PLXNA4: variants seen among roughly 807,000 people sequenced by gnomAD.
The protein encoded by PLXNA4 is plexin A4.
A neutral mutation model predicts 191.8 loss-of-function variants in PLXNA4; 44 were observed. The observed-to-expected ratio is 0.23, with a 90% CI of 0.18 to 0.29. The LOEUF is 0.29. Among genes scored for constraint, PLXNA4 ranks in the 10% least tolerant of loss-of-function variants. The pLI is 1.00. For synonymous variants in PLXNA4, 1,082 were observed against 1,009.5 expected, an observed-to-expected ratio of 1.07 and a Z score of -1.36; for missense variants, 1,800 against 2,488.8, an observed-to-expected ratio of 0.72 and a Z score of 5.89.
chr7:132,229,890 C>G (rs1292165773), intron 5 of PLXNA4, among the ~76,000 whole-genome samples: 1 of 152,060 alleles, frequency 6.6e-6, no homozygotes, highest in Non-Finnish European at 1.5e-5. Context: ...ATGGGGGTTT[C>G]TCCTCCTAAC....
chr7:132,516,166 T>C (rs1032868312), intron 1 of PLXNA4, among the ~76,000 whole-genome samples: 1 of 152,248 alleles, frequency 6.6e-6, no homozygotes, highest in African/African-American at 2.4e-5. Flanking sequence ...AAAAACTGGT[T>C]GTACCCTGTT....
intron 1 of PLXNA4, among the ~76,000 whole-genome samples, chr7:132,570,621 C>T (rs1187570967): frequency 9.2e-5 from 14 of 152,194 alleles, no homozygotes; most frequent in Admixed American, 7.2e-4. Flanking sequence ...AAATTTCCAG[C>T]GACCTCTTCC....
intron 4 of PLXNA4, 129 bp from the exon 5 acceptor site, chr7:132,241,295 G>A: frequency 3.2e-6 from 2 of 626,702 alleles, no homozygotes; most frequent in East Asian, 2.9e-5. Flanking sequence ...GGTGCTTGGA[G>A]CCCAGTGTGG....
chr7:132,320,217 G>A (rs1802109142), intron 3 of PLXNA4, among the ~76,000 whole-genome samples: 1 of 152,216 alleles, frequency 6.6e-6, no homozygotes. Context: ...AATGTATTCT[G>A]TCACAGCTCT....
intron 9 of PLXNA4, among the ~76,000 whole-genome samples, chr7:132,212,973 A>T (rs1451803876): frequency 1.3e-5 from 2 of 152,252 alleles, no homozygotes; most frequent in Non-Finnish European, 2.9e-5. Flanking sequence ...CAACAGCATC[A>T]TTCACAACAG....
intron 20 of PLXNA4, among the ~76,000 whole-genome samples, chr7:132,176,655 C>T (rs1247379467): frequency 6.6e-6 from 1 of 151,434 alleles, no homozygotes; most frequent in African/African-American, 2.4e-5. Context: ...TAGGCATGTG[C>T]AAGTGTGAAT....
At chr7:132,141,305 G>A (rs1333930867) in intron 29 of PLXNA4, among the ~76,000 whole-genome samples, 1 of 152,120 alleles carries the variant, frequency 6.6e-6, no homozygotes, top group Non-Finnish European at 1.5e-5. Context: ...CCCTGCCTGG[G>A]CCTCTCAGCC....
intron 25 of PLXNA4, among the ~76,000 whole-genome samples, chr7:132,156,159 C>T (rs890907365): frequency 4.6e-5 from 7 of 151,542 alleles, no homozygotes; most frequent in African/African-American, 1.7e-4. Context: ...CACACACACA[C>T]ACACACACAC....
chr7:132,629,225 A>T (rs544746211), intron 2 of PLXNA4, among the ~76,000 whole-genome samples: 14 of 152,208 alleles, frequency 9.2e-5, no homozygotes, highest in Non-Finnish European at 2.1e-4. Flanking sequence ...AAGAAGGGGA[A>T]TAAGAGGCCT....
chr7:132,163,054 G>A (rs537406658), intron 24 of PLXNA4, among the ~76,000 whole-genome samples: 108 of 152,216 alleles, frequency 7.1e-4, no homozygotes, highest in African/African-American at 2.5e-3. Context: ...CGTCCTCCTC[G>A]TTCCCTTCTG....
At chr7:132,344,115 C>CA (rs139529794) in intron 3 of PLXNA4, among the ~76,000 whole-genome samples, 2,331 of 152,246 alleles carry the variant, frequency 0.015, 62 homozygotes, top group African/African-American at 0.054. Context: ...TTGTTTCCTG[C>CA]ATGTAGAACA....
chr7:132,447,949 T>C (rs1016779429), intron 3 of PLXNA4, among the ~76,000 whole-genome samples: 2 of 152,062 alleles, frequency 1.3e-5, no homozygotes, highest in Non-Finnish European at 2.9e-5. Flanking sequence ...AGACAGAGGT[T>C]GCAGTGAGCC....
intron 4 of PLXNA4, among the ~76,000 whole-genome samples, chr7:132,248,833 G>GC (rs1435547256): frequency 6.8e-6 from 1 of 147,534 alleles, no homozygotes; most frequent in Non-Finnish European, 1.5e-5. Flanking sequence ...TGACCATCTG[G>GC]CCACCCCAGT....
intron 25 of PLXNA4, among the ~76,000 whole-genome samples, chr7:132,154,541 G>A (rs138326236): frequency 6.6e-6 from 1 of 152,256 alleles, no homozygotes; most frequent in Non-Finnish European, 1.5e-5. Context: ...AAAGTGCTGT[G>A]CACTGGTCAG....
chr7:132,431,855 T>C (rs1290881288), intron 3 of PLXNA4, among the ~76,000 whole-genome samples: 1 of 152,210 alleles, frequency 6.6e-6, no homozygotes, highest in African/African-American at 2.4e-5. Context: ...AGCCCAGTGC[T>C]ACAGAGGAAT....
chr7:132,494,402 T>C (rs1216127309), intron 2 of PLXNA4, among the ~76,000 whole-genome samples: 3 of 152,166 alleles, frequency 2.0e-5, no homozygotes, highest in African/African-American at 7.2e-5. Context: ...CTCCAGGTGA[T>C]TCCAACCCCC....
At chr7:132,591,459 C>A (rs934286473) in intron 2 of PLXNA4, among the ~76,000 whole-genome samples, 14 of 152,180 alleles carry the variant, frequency 9.2e-5, no homozygotes, top group Non-Finnish European at 1.8e-4. Context: ...CACAAGGATG[C>A]AGTACAAAAG....
upstream of PLXNA4, among the ~76,000 whole-genome samples, chr7:132,577,895 G>A (rs954382343): frequency 6.6e-6 from 1 of 152,024 alleles, no homozygotes; most frequent in Non-Finnish European, 1.5e-5. Flanking sequence ...AGGAGGCCGA[G>A]GACACTGAGG....
In PLXNA4 at chr7:132,546,902, G is replaced by A. The variant is rs12539568; in HGVS notation, c.-87+29520C>T. Among the ~76,000 whole-genome samples, 812 of 152,262 alleles carry A rather than the reference G, an allele frequency of 5.3e-3. 2 individuals carry two copies. Among genetic ancestry groups the A allele is most frequent in the Middle Eastern group, 0.045 (13 of 292 alleles). On this transcript the variant is annotated intron_variant, in intron 1 of 31. Transcript: ENST00000321063. ...TAGGAATCATGGGTCCAACCCATGA[G>A]ATTCACAAAATGAAAATATGCAAGT...
Sources: allele counts gnomAD v4.1 joint callset (sites outside exome capture counted in the v4.1 genomes callset), GRCh38; gene constraint gnomAD v4.1.1; transcripts MANE v1.5; gene names NCBI Gene and HGNC (gene_info 2026-07-23, HGNC 2026-07-21).